MCPH1: variants seen among roughly 807,000 people sequenced by gnomAD.
MCPH1 encodes microcephalin.
MCPH1 carries 104 observed loss-of-function variants against 84.5 expected under a neutral mutation model. That is an observed-to-expected ratio of 1.23 (90% CI 1.05 to 1.45). MCPH1 has a LOEUF of 1.45. Among genes scored for constraint, MCPH1 ranks in the 40% most tolerant of loss-of-function variants. The pLI is 0.00. For synonymous variants in MCPH1, 514 were observed against 366.8 expected (o/e 1.40, Z -4.58); for missense variants, 1,498 against 1,005.7 (o/e 1.49, Z -6.62).
intron 2 of MCPH1, among the ~76,000 whole-genome samples, chr8:6,409,804 G>T (rs1798283713): frequency 6.6e-6 from 1 of 152,208 alleles, no homozygotes; most frequent in Admixed American, 6.5e-5. Flanking sequence ...GTCATGTGAA[G>T]TCACAGGTGT....
chr8:6,628,432 T>C (rs1043440138), intron 13 of MCPH1, among the ~76,000 whole-genome samples: 6 of 127,552 alleles, frequency 4.7e-5, no homozygotes, highest in African/African-American at 1.6e-4. Flanking sequence ...ATCACGCCAC[T>C]GCACTCCAGC....
intron 12 of MCPH1, among the ~76,000 whole-genome samples, chr8:6,539,207 C>A (rs1411490789): frequency 6.6e-6 from 1 of 152,164 alleles, no homozygotes; most frequent in Non-Finnish European, 1.5e-5. Context: ...GGCACAGTAC[C>A]CACAGTGAGA....
At chr8:6,609,786 G>A (rs1195464132) in intron 12 of MCPH1, among the ~76,000 whole-genome samples, 1 of 145,170 alleles carries the variant, frequency 6.9e-6, no homozygotes, top group Non-Finnish European at 1.5e-5. Flanking sequence ...TTTTATTTTT[G>A]CCGGGAATCT....
intron 12 of MCPH1, among the ~76,000 whole-genome samples, chr8:6,510,629 T>C (rs1378710244): frequency 6.6e-6 from 1 of 152,176 alleles, no homozygotes; most frequent in African/African-American, 2.4e-5. Context: ...TTCAGAGATA[T>C]AAACTTGTCC....
chr8:6,581,875 C>T (rs75702462), intron 12 of MCPH1, among the ~76,000 whole-genome samples: 5,916 of 152,192 alleles, frequency 0.039, 382 homozygotes, highest in African/African-American at 0.13. Context: ...GCCTTCTCTG[C>T]GTCCTCACAT....
At chr8:6,431,352 A>T (rs1801805288) in intron 3 of MCPH1, 147 bp from the exon 4 acceptor site, 1 of 640,008 alleles carries the variant, frequency 1.6e-6, no homozygotes, top group South Asian at 2.1e-5. Context: ...TGACTTTTGT[A>T]TTTGCAGTTG....
intron 9 of MCPH1, among the ~76,000 whole-genome samples, chr8:6,476,116 A>T (rs924581119): frequency 2.0e-5 from 3 of 152,174 alleles, no homozygotes; most frequent in Non-Finnish European, 2.9e-5. Context: ...ACAGACATAG[A>T]TAATTTGTAA....
intron 11 of MCPH1, among the ~76,000 whole-genome samples, chr8:6,492,306 C>A (rs1179168227): frequency 6.6e-6 from 1 of 152,072 alleles, no homozygotes; most frequent in Non-Finnish European, 1.5e-5. Context: ...TATCCTTCGC[C>A]CACTTGTTGA....
At chr8:6,621,945 G>A (rs896106914) in intron 13 of MCPH1, among the ~76,000 whole-genome samples, 1 of 152,194 alleles carries the variant, frequency 6.6e-6, no homozygotes, top group East Asian at 1.9e-4. Flanking sequence ...CCTGGCTCGT[G>A]TGAAAAATCC....
At chr8:6,538,415 A>G (rs188491795) in intron 12 of MCPH1, among the ~76,000 whole-genome samples, 1 of 152,256 alleles carries the variant, frequency 6.6e-6, no homozygotes, top group East Asian at 1.9e-4. Context: ...TCCACATGCA[A>G]AGCTGGTGAC....
chr8:6,573,431 T>G (rs987633179), intron 12 of MCPH1, among the ~76,000 whole-genome samples: 1 of 152,130 alleles, frequency 6.6e-6, no homozygotes, highest in Non-Finnish European at 1.5e-5. Flanking sequence ...ATGGGATTGG[T>G]CTGGTACTGG....
chr8:6,439,035 C>T lies in MCPH1; in HGVS notation c.519C>T (p.His173=). The change falls in exon 6 of 14, where the codon CAC becomes CAT. Residue 173 remains histidine, a synonymous_variant. Transcript: ENST00000344683. ...CAATTGAAATTAATAGTAGGCACCACAGCGCAATGGAGAAGAGATTACAAG... is the reference window on the plus strand; with the variant it reads ...CAATTGAAATTAATAGTAGGCACCATAGCGCAATGGAGAAGAGATTACAAG... ...TPTIEINSRH[H]SAMEKRLQEM... 6.2e-6 allele frequency: 10 copies of T among 1,612,928 alleles called. No individual in the cohort carries two copies. The highest frequency in any genetic ancestry group is 8.5e-6 in the Non-Finnish European group (10 of 1,179,330).
intron 11 of MCPH1, among the ~76,000 whole-genome samples, chr8:6,498,622 G>A (rs768958898): frequency 7.9e-5 from 12 of 152,084 alleles, no homozygotes; most frequent in South Asian, 2.1e-4. Flanking sequence ...CTTGAATGCC[G>A]CACGCATTTT....
At chr8:6,589,428 A>G (rs1337187279) in intron 12 of MCPH1, among the ~76,000 whole-genome samples, 1 of 152,212 alleles carries the variant, frequency 6.6e-6, no homozygotes. Flanking sequence ...CAATGAGTTC[A>G]TCGACGGCCG....
chr8:6,419,165 ACACACACACACACACACACACACGC>A (rs1328922966), intron 3 of MCPH1, among the ~76,000 whole-genome samples: 19 of 35,244 alleles, frequency 5.4e-4, no homozygotes, highest in African/African-American at 7.6e-4. Flanking sequence ...ACACACACAC[ACACACACACACACACACACACACGC>A]ATTTTTACCC....
At chr8:6,432,884 A>G (rs759760057) in intron 4 of MCPH1, among the ~76,000 whole-genome samples, 3 of 152,234 alleles carry the variant, frequency 2.0e-5, no homozygotes, top group Non-Finnish European at 2.9e-5. Context: ...TAGTACATAC[A>G]TATTTTCTTT....
chr8:6,508,736 G>T (rs942510857), intron 12 of MCPH1: 1 of 741,462 alleles, frequency 1.3e-6, no homozygotes. Flanking sequence ...GACAAGTCTA[G>T]CTCCATATCA....
intron 9 of MCPH1, among the ~76,000 whole-genome samples, chr8:6,461,053 CAA>C (rs1283601533): frequency 3.3e-5 from 5 of 152,046 alleles, no homozygotes; most frequent in Admixed American, 6.6e-5. Flanking sequence ...GAGGCCAACT[CAA>C]GAGAAATGAT....
chr8:6,642,777 C>G (rs997527147), intron 13 of MCPH1: 8 of 605,810 alleles, frequency 1.3e-5, no homozygotes, highest in Non-Finnish European at 2.1e-5. Flanking sequence ...CTTGAACTGG[C>G]CAGTGTGACT....
Sources: gnomAD v4.1 joint callset for allele counts (sites outside exome capture counted in the v4.1 genomes callset) on GRCh38, gnomAD v4.1.1 for gene constraint, MANE v1.5 for transcripts, NCBI Gene and HGNC (gene_info 2026-07-23, HGNC 2026-07-21) for gene names.